The following ERCC6 variants were observed in gnomAD, a reference collection of about 807,000 sequenced individuals.
ERCC6 encodes the protein ERCC excision repair 6, chromatin remodeling factor, also known as DNA excision repair protein ERCC-6.
Under a neutral mutation model 158.7 loss-of-function variants are expected in ERCC6, and 116 were observed. That is an observed-to-expected ratio of 0.73 (90% CI 0.63 to 0.85). The LOEUF (loss-of-function observed/expected upper bound fraction) is 0.85. ERCC6 is among the 40% of genes least tolerant of loss of function. The pLI, the probability that ERCC6 is intolerant of heterozygous loss-of-function variation, is 0.00. For synonymous variants in ERCC6, 678 were observed against 659.3 expected, an observed-to-expected ratio of 1.03 and a Z score of -0.43; for missense variants, 1,698 against 1,799.4, an observed-to-expected ratio of 0.94 and a Z score of 1.02.
the ERCC6 span, among the ~76,000 whole-genome samples, chr10:49,434,960 T>A: frequency 6.6e-6 from 1 of 152,182 alleles, no homozygotes; most frequent in Non-Finnish European, 1.5e-5. Flanking sequence ...ATTATCTGTA[T>A]ACTGATGAAA....
In ERCC6 at chr10:49,495,187, G is replaced by A. The variant is rs1355942035; in HGVS notation, c.1686-1935C>T. Among the ~76,000 whole-genome samples the A allele has an allele frequency of 3.9e-5, 6 of 152,272 alleles. No individual in the cohort carries two copies. The East Asian group carries it at 9.7e-4, about 25-fold the overall frequency. On this transcript the variant is annotated intron_variant, in intron 7 of 20. Coordinates refer to ENST00000355832, the MANE Select transcript of ERCC6 (RefSeq NM_000124.4). ...CCATTAACCTTCAGTCTTGCTGGGA[G>A]TTGGGTGCCAGTCAGTGCATAAGAA...
chr10:49,477,508 C>T (rs1000731173), intron 11 of ERCC6, among the ~76,000 whole-genome samples: 1 of 152,210 alleles, frequency 6.6e-6, no homozygotes, highest in Non-Finnish European at 1.5e-5. Context: ...TCACGGGCAC[C>T]TCTGTTGATG....
the ERCC6 span, among the ~76,000 whole-genome samples, chr10:49,435,872 G>T: frequency 6.6e-6 from 1 of 151,904 alleles, no homozygotes; most frequent in African/African-American, 2.4e-5. Flanking sequence ...GGTGGCAGGC[G>T]CCTGTCATCC....
chr10:49,451,667 C>T (rs1300095929), downstream of ERCC6, among the ~76,000 whole-genome samples: 1 of 152,108 alleles, frequency 6.6e-6, no homozygotes, highest in Non-Finnish European at 1.5e-5. Flanking sequence ...ATTTGGTTTG[C>T]AGCATTTAGT....
chr10:49,517,357 T>A (rs977019915), intron 5 of ERCC6, among the ~76,000 whole-genome samples: 2 of 152,222 alleles, frequency 1.3e-5, no homozygotes, highest in African/African-American at 4.8e-5. Flanking sequence ...AAAATGTTTC[T>A]GAAAACTCAC....
At chr10:49,513,025 C>T (rs1462460826) in intron 5 of ERCC6, among the ~76,000 whole-genome samples, 3 of 152,214 alleles carry the variant, frequency 2.0e-5, no homozygotes, top group Admixed American at 1.3e-4. Context: ...ACCCTCATTT[C>T]AAGCATCTTA....
At chr10:49,439,592 C>G in the ERCC6 span, among the ~76,000 whole-genome samples, 1 of 152,218 alleles carries the variant, frequency 6.6e-6, no homozygotes, top group Non-Finnish European at 1.5e-5. Flanking sequence ...TGACATTTGG[C>G]TCCTCGTTAC....
intron 18 of ERCC6, among the ~76,000 whole-genome samples, chr10:49,469,849 T>G (rs1279682197): frequency 6.6e-6 from 1 of 152,210 alleles, no homozygotes; most frequent in Non-Finnish European, 1.5e-5. Flanking sequence ...TAATCTCCTG[T>G]GGTTGGAAAA....
chr10:49,476,430 C>T (rs569285180), intron 11 of ERCC6, 120 bp from the exon 12 acceptor site: 5 of 684,882 alleles, frequency 7.3e-6, no homozygotes, highest in African/African-American at 3.6e-5. Flanking sequence ...AATGATATCC[C>T]TATTATTAAT....
chr10:49,461,474 G>A lies in ERCC6; in HGVS notation c.3861C>T (p.Asn1287=). 1 of 1,614,132 alleles carries A rather than the reference G, an allele frequency of 6.2e-7. No homozygotes were observed. The highest frequency in any genetic ancestry group is 8.5e-7 in the Non-Finnish European group (1 of 1,180,020). Residue 1287 remains asparagine, a synonymous_variant, in exon 19 of 21, where the codon AAC becomes AAT. Coordinates refer to ENST00000355832, the MANE Select transcript of ERCC6 (RefSeq NM_000124.4). ...CTTTCAGGGCATCCTGGGCCACTCG[G>A]TTGGCTTCTGCCTCCACCAGTACAT... The part of the protein sequence containing the change: ...PDYVLVEAEA[N]RVAQDALKAL...
At chr10:49,436,608 A>C in the ERCC6 span, among the ~76,000 whole-genome samples, 230 of 152,324 alleles carry the variant, frequency 1.5e-3, no homozygotes, top group African/African-American at 5.3e-3. Flanking sequence ...ATTTTAAACT[A>C]ATTTGGTCTA....
intron 10 of ERCC6, among the ~76,000 whole-genome samples, chr10:49,479,095 G>A (rs1850930801): frequency 6.7e-6 from 1 of 150,340 alleles, no homozygotes; most frequent in Non-Finnish European, 1.5e-5. Flanking sequence ...CATGAGATGA[G>A]TACTAAATAT....
the ERCC6 span, among the ~76,000 whole-genome samples, chr10:49,438,423 C>T: frequency 1.3e-5 from 2 of 152,152 alleles, no homozygotes; most frequent in African/African-American, 4.8e-5. Context: ...CATCAGATCT[C>T]GTGAAATTTA....
chr10:49,443,351 AT>A, the ERCC6 span, among the ~76,000 whole-genome samples: 2 of 152,232 alleles, frequency 1.3e-5, no homozygotes. Flanking sequence ...CTTGTATACT[AT>A]TTAGATATAT....
At chr10:49,459,936 C>T (rs779141499) in intron 20 of ERCC6, 1 of 252,766 alleles carries the variant, frequency 4.0e-6, no homozygotes, top group African/African-American at 2.3e-5. Flanking sequence ...ACCACAGTAG[C>T]ACTCAAGGCA....
At position 49,460,396 on chromosome 10, in the gene ERCC6, T is replaced by G; in HGVS notation, c.4039A>C (p.Thr1347Pro). The G allele has an allele frequency of 6.2e-7, 1 of 1,613,638 alleles. No homozygotes were observed. The highest frequency in any genetic ancestry group is 8.5e-7 in the Non-Finnish European group (1 of 1,179,530). The change falls in exon 20 of 21, where the codon ACA becomes CCA. Residue 1347 changes from threonine (T) to proline (P), a missense_variant. By Grantham distance (38) the Thr-to-Pro change is conservative. Transcript: ENST00000355832. ...ACCTGGCACTTCTCTGTTGGAGATG[T>G]TGATGAAGGATGCTGCACAGAGAAG... ...SNFSVQHPSS[T>P]SPTEKCQDGI...
chr10:49,447,004 A>C, the ERCC6 span, among the ~76,000 whole-genome samples: 1 of 152,224 alleles, frequency 6.6e-6, no homozygotes, highest in South Asian at 2.1e-4. Context: ...ATAAATCCAC[A>C]TATCTCTGAG....
chr10:49,482,556 T>TTTC (rs1850997784), intron 10 of ERCC6, 131 bp downstream of exon 10: 1 of 681,106 alleles, frequency 1.5e-6, no homozygotes. Context: ...TTTTTTTTTT[T>TTTC]TAACCAGATA....
downstream of ERCC6, among the ~76,000 whole-genome samples, chr10:49,450,867 G>A (rs12220638): frequency 0.1 from 15,538 of 151,164 alleles, 881 homozygotes; most frequent in South Asian, 0.19. Context: ...GCTGGAGTGC[G>A]GTGGCACAAT....
Sources: gnomAD v4.1 joint callset for allele counts (sites outside exome capture counted in the v4.1 genomes callset) on GRCh38, gnomAD v4.1.1 for gene constraint, MANE v1.5 for transcripts, NCBI Gene and HGNC (gene_info 2026-07-23, HGNC 2026-07-21) for gene names.